COL27A1: variants seen among roughly 807,000 people sequenced by gnomAD.
COL27A1 encodes the protein collagen alpha-1(XXVII) chain.
Under a neutral mutation model 251.3 loss-of-function variants are expected in COL27A1, and 106 were observed. The observed-to-expected ratio is 0.42, with a 90% confidence interval of 0.36 to 0.50. The LOEUF is 0.50. COL27A1 is among the 20% of genes least tolerant of loss of function. The pLI is 0.00. For missense variants in COL27A1, 2,325 were observed against 2,522.8 expected, an observed-to-expected ratio of 0.92 and a Z score of 1.68; for synonymous variants, 1,000 against 986.3, an observed-to-expected ratio of 1.01 and a Z score of -0.26.
chr9:114,160,321 A>G (rs975314663), intron 1 of COL27A1, among the ~76,000 whole-genome samples: 3 of 151,688 alleles, frequency 2.0e-5, no homozygotes, highest in African/African-American at 7.3e-5. Flanking sequence ...CGCCTGGCTA[A>G]TTTTTTTGTA....
chr9:114,295,057 C>A (rs1828169206), intron 49 of COL27A1, among the ~76,000 whole-genome samples: 1 of 152,176 alleles, frequency 6.6e-6, no homozygotes, highest in African/African-American at 2.4e-5. Flanking sequence ...AAATGAATTG[C>A]ATTTCTATAC....
chr9:114,254,512 G>T (rs1485252390), intron 27 of COL27A1, among the ~76,000 whole-genome samples: 1 of 152,110 alleles, frequency 6.6e-6, no homozygotes, highest in Non-Finnish European at 1.5e-5. Flanking sequence ...AGCCCAGTCC[G>T]AGGTGGGCTT....
At chr9:114,248,313 C>T (rs2076478753) in intron 24 of COL27A1, among the ~76,000 whole-genome samples, 1 of 152,254 alleles carries the variant, frequency 6.6e-6, no homozygotes, top group Non-Finnish European at 1.5e-5. Context: ...ACACGTCACA[C>T]TGAGCTGTCT....
At position 114,205,130 on chromosome 9, in the gene COL27A1, G is replaced by C. The variant is rs1249243743; in HGVS notation, c.2153G>C (p.Gly718Ala). 3.7e-6 allele frequency: 6 copies of C among 1,613,448 alleles called. No individual in the cohort carries two copies. Among genetic ancestry groups the C allele is most frequent in the Non-Finnish European group, 5.1e-6 (6 of 1,180,026 alleles). Residue 718 changes from glycine to alanine, a missense_variant, in exon 8 of 61, where the codon GGG becomes GCG. Transcript: ENST00000356083. ...KGHKGYPGPA[G>A]HPGEQGQPGP... ...CACAAGGGCTATCCTGGACCGGCAG[G>C]GCACCCCGGAGAACAGGTGAGGGCC... is the stretch of plus-strand genomic sequence containing the variant.
At chr9:114,243,906 G>A (rs1014092804) in intron 23 of COL27A1, among the ~76,000 whole-genome samples, 6 of 149,904 alleles carry the variant, frequency 4.0e-5, no homozygotes, top group South Asian at 2.1e-4. Flanking sequence ...GGGTTGCACC[G>A]TTTCTGTTTT....
chr9:114,296,718 A>T (rs1006526245), intron 49 of COL27A1, among the ~76,000 whole-genome samples: 1 of 152,232 alleles, frequency 6.6e-6, no homozygotes, highest in Admixed American at 6.5e-5. Context: ...TACCCTACAT[A>T]AATAAGGACA....
chr9:114,226,266 C>A (rs1375266532), intron 14 of COL27A1, among the ~76,000 whole-genome samples: 1 of 152,192 alleles, frequency 6.6e-6, no homozygotes, highest in Non-Finnish European at 1.5e-5. Flanking sequence ...TGATCACCTG[C>A]CTTTGTTTCC....
intron 24 of COL27A1, among the ~76,000 whole-genome samples, chr9:114,246,845 C>T (rs1407621295): frequency 2.0e-5 from 3 of 150,834 alleles, no homozygotes; most frequent in Non-Finnish European, 2.9e-5. Context: ...GAGGCTGCCG[C>T]GGCCTGGATA....
In COL27A1 at chr9:114,168,968, G is replaced by T. The variant is rs762347705; in HGVS notation, c.1413G>T (p.Pro471=). The stretch of plus-strand genomic sequence containing the variant: ...AGATAACCAGCCATGCCAGTAAGCC[G>T]GCCTCTGCCCGCACCAGCACCCACA... ...EAKITSHASK[P]ASARTSTHKP... Residue 471 remains proline (P), a synonymous_variant, in exon 3 of 61, where the codon CCG becomes CCT. Coordinates refer to ENST00000356083, the MANE Select transcript of COL27A1 (RefSeq NM_032888.4). 11 of 1,613,990 alleles carry T rather than the reference G, an allele frequency of 6.8e-6. No individual in the cohort carries two copies. Among genetic ancestry groups the T allele is most frequent in the Non-Finnish European group, 9.3e-6 (11 of 1,180,016 alleles).
chr9:114,199,873 C>T (rs1225945131), intron 7 of COL27A1, among the ~76,000 whole-genome samples: 1 of 152,228 alleles, frequency 6.6e-6, no homozygotes, highest in East Asian at 1.9e-4. Flanking sequence ...CAAGTCCTGA[C>T]ACAGCCCCTG....
chr9:114,178,731 G>A (rs924272155), intron 4 of COL27A1, among the ~76,000 whole-genome samples: 19 of 152,128 alleles, frequency 1.2e-4, no homozygotes, highest in African/African-American at 4.6e-4. Context: ...CTGGAGTAGG[G>A]GTGCGGACAT....
intron 56 of COL27A1, among the ~76,000 whole-genome samples, chr9:114,304,354 C>T (rs1240787374): frequency 6.6e-6 from 1 of 152,238 alleles, no homozygotes; most frequent in African/African-American, 2.4e-5. Context: ...CCACAGTGTT[C>T]AAACTGGGTC....
chr9:114,274,842 G>T lies in COL27A1; in HGVS notation c.3610-819G>T, dbSNP rs568439135. Among the ~76,000 whole-genome samples, 302 of 152,028 alleles carry T rather than the reference G, an allele frequency of 2.0e-3. 2 individuals carry two copies. The highest frequency in any genetic ancestry group is 6.4e-3 in the African/African-American group (267 of 41,502). On this transcript the variant is annotated intron_variant, in intron 36 of 60. Coordinates refer to ENST00000356083, the MANE Select transcript of COL27A1 (RefSeq NM_032888.4). ...TATTATTATTATTATTATTCACTGTGTTTTTGTCATCGAGGATTGAAAATA... is the reference window on the plus strand; with the variant it reads ...TATTATTATTATTATTATTCACTGTTTTTTTGTCATCGAGGATTGAAAATA...
At position 114,290,257 on chromosome 9, in the gene COL27A1, G is replaced by C. The variant is rs1438462253; in HGVS notation, c.4294G>C (p.Val1432Leu). ...GGGGCTGCCAGGGCCCCGGGGCGTG[G>C]TGGGGAGACAGGGCCTCGAGGGCAT... is the stretch of plus-strand genomic sequence containing the variant. The part of the protein sequence containing the change: ...LQGLPGPRGV[V>L]GRQGLEGIAG... The change falls in exon 47 of 61, where the codon GTG becomes CTG. Residue 1432 changes from valine to leucine, a missense_variant. By Grantham distance (32) the Val-to-Leu change is conservative. Around this residue, in one of 4 missense-constraint regions of COL27A1, gnomAD observed 153 missense variants for 140.7 expected, o/e 1.09. Transcript: ENST00000356083. The surrounding 1 kb of genome is among the most constrained non-coding windows in gnomAD (Gnocchi z 4.6). 6.3e-7 allele frequency: 1 copy of C among 1,576,400 alleles called. No individual in the cohort carries two copies. The highest frequency in any genetic ancestry group is 8.6e-7 in the Non-Finnish European group (1 of 1,160,956).
intron 3 of COL27A1, among the ~76,000 whole-genome samples, chr9:114,175,278 C>T (rs1181916045): frequency 2.6e-5 from 4 of 152,246 alleles, no homozygotes; most frequent in Admixed American, 6.5e-5. Flanking sequence ...TCAGAGGCCC[C>T]GTTGTTTGCA....
chr9:114,198,727 C>A (rs759151447), intron 7 of COL27A1, among the ~76,000 whole-genome samples: 1 of 152,140 alleles, frequency 6.6e-6, no homozygotes, highest in African/African-American at 2.4e-5. Context: ...GTTTCTCTGC[C>A]ACCGCCTGAG....
At position 114,168,858 on chromosome 9, in the gene COL27A1, C is replaced by A. The variant is rs1274071241; in HGVS notation, c.1303C>A (p.Pro435Thr). ...CCAGAGGAACCCGGGAATGCCCAGG[C>A]CCCCACCGCCCAGCACCCGGCCCCT... ...PIQRNPGMPRPPPPSTRPLPP... is the reference protein window; with the variant it reads ...PIQRNPGMPRTPPPSTRPLPP... The change falls in exon 3 of 61, where the codon CCC becomes ACC. Residue 435 changes from proline to threonine, a missense_variant. Pro to Thr is a conservative substitution (Grantham distance 38). This residue lies in a region of COL27A1 where 1,183 missense variants were observed against 1,144.1 expected (regional missense o/e 1.03). Coordinates refer to ENST00000356083, the MANE Select transcript of COL27A1 (RefSeq NM_032888.4). 1.2e-6 allele frequency: 2 copies of A among 1,614,074 alleles called. No individual in the cohort carries two copies. The highest frequency in any genetic ancestry group is 2.2e-5 in the East Asian group (1 of 44,864).
chr9:114,205,342 C>T (rs1038105237), intron 8 of COL27A1, among the ~76,000 whole-genome samples, 196 bp downstream of exon 8: 3 of 152,270 alleles, frequency 2.0e-5, no homozygotes, highest in Non-Finnish European at 2.9e-5. Flanking sequence ...CCCAAAAGAG[C>T]CAGAGTCCAT....
chr9:114,266,133 G>T (rs1339187843), intron 32 of COL27A1, among the ~76,000 whole-genome samples: 4 of 152,156 alleles, frequency 2.6e-5, no homozygotes, highest in Non-Finnish European at 5.9e-5. Flanking sequence ...CAGGGCAGGG[G>T]AGGACAGGAG....
Sources: gnomAD v4.1 joint callset for allele counts (sites outside exome capture counted in the v4.1 genomes callset) on GRCh38, gnomAD v4.1.1 for gene constraint, gnomAD v4.1.1 regional missense constraint, Gnocchi (gnomAD v3.1) non-coding constraint, MANE v1.5 for transcripts, NCBI Gene and HGNC (gene_info 2026-07-23, HGNC 2026-07-21) for gene names.